Variants in SNX25 observed in about 807,000 individuals in gnomAD.
SNX25 encodes the protein sorting nexin 25, also known as sorting nexin-25.
SNX25 carries 62 observed loss-of-function variants against 113.7 expected under a neutral mutation model. The observed-to-expected ratio is 0.55, with a 90% CI of 0.44 to 0.67. The LOEUF (loss-of-function observed/expected upper bound fraction) is 0.67, where lower values mean the gene tolerates loss of function less well. Among genes scored for constraint, SNX25 ranks in the 30% least tolerant of loss-of-function variants. The pLI, the probability that SNX25 is intolerant of heterozygous loss-of-function variation, is 0.00. For synonymous variants in SNX25, 421 were observed against 436.2 expected (o/e 0.97, Z 0.43); for missense variants, 1,014 against 1,161.0 (o/e 0.87, Z 1.84).
rs1169046765 is a variant in SNX25 at position 185,329,034 on chromosome 4, G to C, written c.1750-3561G>C. On this transcript the variant is annotated intron_variant, in intron 9 of 18. Coordinates refer to ENST00000652585, the MANE Select transcript of SNX25 (RefSeq NM_001378034.2). ...AGTTTCAGAGGAAGGAGAGACCCGG[G>C]GAGGGTTTTCATTAAGAAGAAGGAT... 5.3e-5 allele frequency among the ~76,000 whole-genome samples: 8 copies of C among 152,210 alleles called. No individual in the cohort carries two copies. In the East Asian group the frequency reaches 9.7e-4, roughly 18 times the overall value.
chr4:185,377,246 G>A, the SNX25 span: 7 of 455,454 alleles, frequency 1.5e-5, no homozygotes, highest in South Asian at 2.9e-5. Flanking sequence ...GGCCGGGCGC[G>A]GTGGCTCACG....
In SNX25 at chr4:185,259,005, C is replaced by T. The variant is rs552309245; in HGVS notation, c.672C>T (p.Cys224=). The part of the protein sequence containing the change: ...LSHVDVVKVV[C]NDVVRTLLTH... Reference sequence around the variant, plus strand: ...ACGTGGATGTGGTTAAAGTTGTCTGCAATGATGTTGTGAGGACTTTACTCA... The same window carrying T: ...ACGTGGATGTGGTTAAAGTTGTCTGTAATGATGTTGTGAGGACTTTACTCA... Residue 224 remains cysteine (C), a synonymous_variant, in exon 3 of 19, where the codon TGC becomes TGT. Coordinates refer to ENST00000652585, the MANE Select transcript of SNX25 (RefSeq NM_001378034.2). 42 of 1,614,128 alleles carry T rather than the reference C, an allele frequency of 2.6e-5. No homozygotes were observed. The East Asian group carries it at 8.0e-4, about 31-fold the overall frequency.
intron 6 of SNX25, among the ~76,000 whole-genome samples, chr4:185,297,706 C>T (rs893095130): frequency 2.0e-5 from 3 of 152,112 alleles, no homozygotes; most frequent in Non-Finnish European, 4.4e-5. Flanking sequence ...TTGCAGATGG[C>T]GTCCTTGCTA....
At chr4:185,316,489 A>C (rs1406698139) in intron 7 of SNX25, among the ~76,000 whole-genome samples, 1 of 152,212 alleles carries the variant, frequency 6.6e-6, no homozygotes, top group Non-Finnish European at 1.5e-5. Flanking sequence ...GAAAACAAAA[A>C]GTCTGTGTTG....
At chr4:185,287,276 G>A (rs987480342) in intron 5 of SNX25, among the ~76,000 whole-genome samples, 44 of 152,142 alleles carry the variant, frequency 2.9e-4, no homozygotes, top group African/African-American at 1.0e-3. Context: ...TATATAGCTG[G>A]TGCTCTAATC....
downstream of SNX25, among the ~76,000 whole-genome samples, chr4:185,372,092 T>C (rs1561077013): frequency 6.6e-6 from 1 of 152,222 alleles, no homozygotes; most frequent in Admixed American, 6.5e-5. Context: ...AGTGTCAGTC[T>C]TTTAACCATA....
chr4:185,371,890 G>A (rs111813982), downstream of SNX25, among the ~76,000 whole-genome samples: 3 of 152,064 alleles, frequency 2.0e-5, no homozygotes, highest in Non-Finnish European at 2.9e-5. Flanking sequence ...GGAGAGGGGG[G>A]AGACCTGGCG....
chr4:185,213,964 C>T (rs1455416326), intron 1 of SNX25, among the ~76,000 whole-genome samples: 4 of 149,610 alleles, frequency 2.7e-5, no homozygotes, highest in African/African-American at 4.9e-5. Context: ...GACAAGGTCT[C>T]GCTCTGTTGC....
rs79061667 is a variant in SNX25 at position 185,296,897 on chromosome 4, T to C, written c.1162+8815T>C. Among the ~76,000 whole-genome samples the C allele has an allele frequency of 3.3e-3, 501 of 152,314 alleles. 3 individuals carry two copies. Among genetic ancestry groups the C allele is most frequent in the African/African-American group, 8.1e-3 (335 of 41,578 alleles). ...ATCAGCTGCCTGTTGGTCATAGAAT[T>C]TGGGGAGCTTAGTGAGTCTAACTGG... On this transcript the variant is annotated intron_variant, in intron 6 of 18. Transcript: ENST00000652585.
chr4:185,224,538 AAT>A (rs879438060), intron 1 of SNX25, among the ~76,000 whole-genome samples: 3 of 135,612 alleles, frequency 2.2e-5, no homozygotes, highest in East Asian at 2.1e-4. Context: ...CATATATATA[AAT>A]ATATATACAT....
intron 11 of SNX25, among the ~76,000 whole-genome samples, chr4:185,340,252 C>T (rs921615029): frequency 2.0e-5 from 3 of 152,126 alleles, no homozygotes; most frequent in Non-Finnish European, 4.4e-5. Flanking sequence ...CCCTGCCTTT[C>T]CCTCAAGCCA....
intron 13 of SNX25, among the ~76,000 whole-genome samples, chr4:185,349,940 C>T (rs1361920327): frequency 6.6e-6 from 1 of 152,236 alleles, no homozygotes; most frequent in Non-Finnish European, 1.5e-5. Flanking sequence ...GAACATCTCA[C>T]TACTCCTGAT....
chr4:185,332,768 T>C lies in SNX25; in HGVS notation c.1914+9T>C. On this transcript the variant is annotated intron_variant, in intron 10 of 18. Transcript: ENST00000652585. ...CAAAACCTGACAAGAAGGTAACTCT[T>C]TGCTTTCAAGGTTGTCTTTGAAAGT... 6.2e-7 allele frequency: 1 copy of C among 1,611,438 alleles called. No homozygotes were observed. The highest frequency in any genetic ancestry group is 8.5e-7 in the Non-Finnish European group (1 of 1,179,012).
chr4:185,288,724 A>AG (rs1319742235), intron 6 of SNX25, among the ~76,000 whole-genome samples: 2 of 152,186 alleles, frequency 1.3e-5, no homozygotes, highest in Non-Finnish European at 2.9e-5. Context: ...TTAAGGTGTG[A>AG]GGATGGCTCT....
At chr4:185,207,210 CTTTTTTT>C (rs34373262), upstream of SNX25, among the ~76,000 whole-genome samples, 6 of 76,810 alleles carry the variant, frequency 7.8e-5, no homozygotes, top group Admixed American at 7.3e-4. Context: ...ACCAGTCACA[CTTTTTTT>C]TTTTTTTTTT....
At chr4:185,277,184 C>G (rs1039119130) in intron 5 of SNX25, among the ~76,000 whole-genome samples, 21 of 152,128 alleles carry the variant, frequency 1.4e-4, no homozygotes, top group Admixed American at 1.2e-3. Context: ...GCTACCACAT[C>G]TAGCTAATTT....
rs34587614 is a variant in SNX25 at position 185,334,036 on chromosome 4, C to CAAAA, written c.1914+1292_1914+1295dup. 2.9e-5 allele frequency among the ~76,000 whole-genome samples: 3 copies of CAAAA among 104,396 alleles called. No individual in the cohort carries two copies. Among genetic ancestry groups the CAAAA allele is most frequent in the African/African-American group, 7.0e-5 (2 of 28,730 alleles). The allele number at this position is 104,396 out of a possible 152,430, so 68.5% of individuals were successfully genotyped here. A position where few individuals can be genotyped will look rare whatever the true frequency, so the allele number is the denominator to read the frequency against. On this transcript the variant is annotated intron_variant, in intron 10 of 18. Transcript: ENST00000652585. This position sits in a 1 kb window ranked among gnomAD's most constrained non-coding sequence, Gnocchi z 4.2. ...TGCACTCCAGACTGGGCAATAGTCT[C>CAAAA]AAAAAAAAAAAAAAAAAAGTGGCTA...
intron 2 of SNX25, among the ~76,000 whole-genome samples, chr4:185,258,210 G>A (rs1746732415): frequency 1.3e-5 from 2 of 152,168 alleles, no homozygotes; most frequent in African/African-American, 2.4e-5. Flanking sequence ...ACCGGTGAGG[G>A]AGAGCCACCC....
chr4:185,323,413 C>G, intron 8 of SNX25, 115 bp from the exon 9 acceptor site: 1 of 929,098 alleles, frequency 1.1e-6, no homozygotes, highest in Admixed American at 2.7e-5. Flanking sequence ...ATTCTACATA[C>G]CAGGGTGCAT....
Sources: gnomAD v4.1 joint callset for allele counts (sites outside exome capture counted in the v4.1 genomes callset) on GRCh38, gnomAD v4.1.1 for gene constraint, Gnocchi (gnomAD v3.1) non-coding constraint, MANE v1.5 for transcripts, NCBI Gene and HGNC (gene_info 2026-07-23, HGNC 2026-07-21) for gene names.